The following B3GALT1 variants were observed in gnomAD, a reference collection of about 807,000 sequenced individuals.
The protein encoded by B3GALT1 is beta-1,3-galactosyltransferase 1, also known as UDP-Gal:betaGlcNAc beta 1,3-galactosyltransferase, polypeptide 1.
Under a neutral mutation model 23.2 loss-of-function variants are expected in B3GALT1, and 10 were observed. That is an observed-to-expected ratio of 0.43 (90% confidence interval 0.27 to 0.73). B3GALT1 has a LOEUF of 0.73. B3GALT1 is among the 30% of genes least tolerant of loss of function. The pLI, the probability that B3GALT1 is intolerant of heterozygous loss-of-function variation, is 0.21. For synonymous variants in B3GALT1, 156 were observed against 141.5 expected, an observed-to-expected ratio of 1.10 and a Z score of -0.73; for missense variants, 299 against 405.4, an observed-to-expected ratio of 0.74 and a Z score of 2.25.
intron 1 of B3GALT1, among the ~76,000 whole-genome samples, chr2:167,354,702 C>T (rs1438184256): frequency 2.0e-5 from 3 of 152,166 alleles, no homozygotes; most frequent in Non-Finnish European, 4.4e-5. Context: ...TAGGCAGCAA[C>T]CCTTATAACC....
chr2:167,541,341 C>T (rs1009693672), intron 2 of B3GALT1, among the ~76,000 whole-genome samples: 3 of 152,022 alleles, frequency 2.0e-5, no homozygotes, highest in Non-Finnish European at 4.4e-5. Context: ...ATTTATTTTA[C>T]AATGTACATA....
chr2:167,512,534 GTATATATATATGTATATATA>G (rs1700023253), intron 2 of B3GALT1, among the ~76,000 whole-genome samples: 3 of 100,544 alleles, frequency 3.0e-5, no homozygotes, highest in African/African-American at 4.9e-5. Flanking sequence ...ATGTGTGTGT[GTATATATATATGTATATATA>G]TGTATATATA....
chr2:167,713,750 G>T, intron 3 of B3GALT1: 1 of 1,582,880 alleles, frequency 6.3e-7, no homozygotes, highest in South Asian at 1.1e-5. Context: ...TCAGAATGTG[G>T]GGTTGGGGTA....
chr2:167,601,497 A>G (rs1401565975), intron 2 of B3GALT1, among the ~76,000 whole-genome samples: 1 of 152,206 alleles, frequency 6.6e-6, no homozygotes, highest in African/African-American at 2.4e-5. Context: ...AAAACGCTCT[A>G]ATATCTCCAT....
intron 1 of B3GALT1, among the ~76,000 whole-genome samples, chr2:167,471,317 G>T (rs6725468): frequency 6.6e-6 from 1 of 152,026 alleles, no homozygotes; most frequent in Non-Finnish European, 1.5e-5. Context: ...ATTCTTACAC[G>T]CAAGCTATCC....
chr2:167,831,322 A>G (rs1356542026), intron 4 of B3GALT1, among the ~76,000 whole-genome samples: 1 of 152,240 alleles, frequency 6.6e-6, no homozygotes, highest in African/African-American at 2.4e-5. Context: ...CTGCTGTGAC[A>G]TCTGTCTGGA....
rs554429391 is a variant in B3GALT1, at chr2:167,567,402, A to T, written c.-410+77125A>T. Among the ~76,000 whole-genome samples, 5 of 152,294 alleles carry T rather than the reference A, an allele frequency of 3.3e-5. No homozygotes were observed. In the East Asian group the frequency reaches 9.7e-4, roughly 29 times the overall value. On this transcript the variant is annotated intron_variant, in intron 2 of 4. Coordinates refer to ENST00000392690, the MANE Select transcript of B3GALT1 (RefSeq NM_020981.4). ...TAATCCAAGGCCATCTCAAGGATGT[A>T]TTAAGCTCTCTGTACCATTGGAAAA...
At chr2:167,793,207 C>T (rs1032805120) in intron 3 of B3GALT1, among the ~76,000 whole-genome samples, 1 of 152,090 alleles carries the variant, frequency 6.6e-6, no homozygotes, top group African/African-American at 2.4e-5. Context: ...GCCCACAGTT[C>T]CAAGCATCAA....
intron 3 of B3GALT1, among the ~76,000 whole-genome samples, chr2:167,797,393 G>C (rs1167608243): frequency 2.0e-5 from 3 of 152,124 alleles, no homozygotes; most frequent in Admixed American, 1.3e-4. Context: ...GACATTTTGG[G>C]TTGATTCCAT....
At chr2:167,399,860 A>G (rs1342626908) in intron 1 of B3GALT1, among the ~76,000 whole-genome samples, 1 of 152,048 alleles carries the variant, frequency 6.6e-6, no homozygotes, top group African/African-American at 2.4e-5. Context: ...GCTAGGGTAT[A>G]TCCTTAAGTT....
intron 3 of B3GALT1, among the ~76,000 whole-genome samples, chr2:167,717,744 C>T (rs1248983758): frequency 6.6e-6 from 1 of 152,104 alleles, no homozygotes; most frequent in East Asian, 1.9e-4. Flanking sequence ...TGCTTCTGAA[C>T]ATTTTTACAA....
intron 1 of B3GALT1, among the ~76,000 whole-genome samples, chr2:167,417,165 A>G (rs528916000): frequency 6.6e-6 from 1 of 152,290 alleles, no homozygotes; most frequent in Admixed American, 6.5e-5. Flanking sequence ...TCAATCCTCA[A>G]TGTGGCAGTA....
At chr2:167,720,883 T>C (rs892150462) in intron 3 of B3GALT1, among the ~76,000 whole-genome samples, 1 of 152,226 alleles carries the variant, frequency 6.6e-6, no homozygotes, top group Non-Finnish European at 1.5e-5. Context: ...TGTAATATTC[T>C]CAAGTTTCCC....
intron 2 of B3GALT1, among the ~76,000 whole-genome samples, chr2:167,597,426 T>C (rs1014830805): frequency 6.6e-6 from 1 of 152,210 alleles, no homozygotes. Context: ...ATTGTCATGT[T>C]TGAATGGGCC....
chr2:167,622,603 CA>C (rs1407481017), intron 2 of B3GALT1, among the ~76,000 whole-genome samples: 41 of 151,972 alleles, frequency 2.7e-4, no homozygotes, highest in Admixed American at 2.2e-3. Flanking sequence ...TATGAACCAC[CA>C]TTAGGAAGTT....
chr2:167,586,657 G>A (rs576915667), intron 2 of B3GALT1, among the ~76,000 whole-genome samples: 19 of 152,270 alleles, frequency 1.2e-4, no homozygotes, highest in Middle Eastern at 3.4e-3. Flanking sequence ...TTTTAACAGA[G>A]AGCTGAGTGT....
At chr2:167,321,249 A>C (rs190379363) in intron 1 of B3GALT1, among the ~76,000 whole-genome samples, 16 of 152,202 alleles carry the variant, frequency 1.1e-4, no homozygotes, top group African/African-American at 2.9e-4. Context: ...AAATGCAAAA[A>C]ATGTAGTACT....
chr2:167,542,744 G>C (rs1046737829), intron 2 of B3GALT1, among the ~76,000 whole-genome samples: 3 of 151,226 alleles, frequency 2.0e-5, no homozygotes, highest in Non-Finnish European at 4.4e-5. Flanking sequence ...AGTTTACATA[G>C]AATGGGCAGA....
chr2:167,402,040 T>G (rs1698201108), intron 1 of B3GALT1, among the ~76,000 whole-genome samples: 1 of 152,160 alleles, frequency 6.6e-6, no homozygotes, highest in South Asian at 2.1e-4. Flanking sequence ...GCACTAAGAA[T>G]GGACTAGCTT....
Sources: allele counts gnomAD v4.1 joint callset (sites outside exome capture counted in the v4.1 genomes callset), GRCh38; gene constraint gnomAD v4.1.1; transcripts MANE v1.5; gene names NCBI Gene and HGNC (gene_info 2026-07-23, HGNC 2026-07-21).